LRCH3: variants seen among roughly 807,000 people sequenced by gnomAD.
LRCH3 encodes the protein leucine rich repeats and calponin homology domain containing 3, also known as DISP complex protein LRCH3.
LRCH3 carries 68 observed loss-of-function variants against 104.5 expected under a neutral mutation model. That is an observed-to-expected ratio of 0.65 (90% CI 0.54 to 0.80). The LOEUF is 0.80. Ranked by LOEUF, LRCH3 falls within the 30% of genes least tolerant of loss-of-function variation. The pLI, the probability that LRCH3 is intolerant of heterozygous loss-of-function variation, is 0.00. For synonymous variants in LRCH3, 344 were observed against 361.3 expected, an observed-to-expected ratio of 0.95 and a Z score of 0.54; for missense variants, 951 against 953.9, an observed-to-expected ratio of 1.00 and a Z score of 0.04.
rs368714590 is a variant in LRCH3, at chr3:197,799,204, T to C, written c.262+7664T>C. Among the ~76,000 whole-genome samples the C allele has an allele frequency of 5.9e-5, 9 of 151,720 alleles. No individual in the cohort carries two copies. In the East Asian group the frequency reaches 1.4e-3, roughly 23 times the overall value. Reference sequence around the variant, plus strand: ...ATATTTGGGAGCTGGATGGTTAACGTTACTTCATGTTAGAACATCAAGTAT... The same window carrying C: ...ATATTTGGGAGCTGGATGGTTAACGCTACTTCATGTTAGAACATCAAGTAT... On this transcript the variant is annotated intron_variant, in intron 1 of 20. Transcript: ENST00000425562.
chr3:197,836,097 A>G (rs1388252579), intron 9 of LRCH3, among the ~76,000 whole-genome samples: 1 of 152,216 alleles, frequency 6.6e-6, no homozygotes, highest in Non-Finnish European at 1.5e-5. Context: ...AGGCCTTGGA[A>G]GAAAGTACAA....
At position 197,830,771 on chromosome 3, in the gene LRCH3, C is replaced by G. The variant is rs1298324468; in HGVS notation, c.889C>G (p.His297Asp). 1 of 1,612,114 alleles carries G rather than the reference C, an allele frequency of 6.2e-7. No individual in the cohort carries two copies. Among genetic ancestry groups the G allele is most frequent in the Non-Finnish European group, 8.5e-7 (1 of 1,178,788 alleles). ...AGTAACAGAGTCTCTTTTCGGCAGCCATGAAGAACTGTACTCAAGTCGCCC... is the reference window on the plus strand; with the variant it reads ...AGTAACAGAGTCTCTTTTCGGCAGCGATGAAGAACTGTACTCAAGTCGCCC... ...DRRPLGFGSC[H>D]EELYSSRPYG... The change falls in exon 7 of 21, where the codon CAT (histidine) becomes GAT (aspartate). Residue 297 changes from histidine (H) to aspartate (D), a missense_variant and splice_region_variant. His to Asp is a moderately conservative substitution (Grantham distance 81). Coordinates refer to ENST00000425562, the MANE Select transcript of LRCH3 (RefSeq NM_001365715.1).
At chr3:197,864,820 A>T (rs1741294565) in intron 15 of LRCH3, among the ~76,000 whole-genome samples, 2 of 150,116 alleles carry the variant, frequency 1.3e-5, no homozygotes, top group Admixed American at 1.3e-4. Flanking sequence ...CAGGAGGTTG[A>T]GACTAACCTG....
chr3:197,845,931 G>T (rs1454480815), intron 10 of LRCH3, among the ~76,000 whole-genome samples: 2 of 152,078 alleles, frequency 1.3e-5, no homozygotes, highest in East Asian at 1.9e-4. Flanking sequence ...AAATTGAAAA[G>T]CATTTTTAAA....
chr3:197,861,177 C>T (rs969597286), intron 15 of LRCH3, among the ~76,000 whole-genome samples: 3 of 152,080 alleles, frequency 2.0e-5, no homozygotes, highest in African/African-American at 7.2e-5. Flanking sequence ...TCTGAGAAAC[C>T]TCCTCTGGTT....
rs1014024852 is a variant in LRCH3, at chr3:197,854,783, G to A, written c.1644+338G>A. Among the ~76,000 whole-genome samples, 1 of 151,970 alleles carries A rather than the reference G, an allele frequency of 6.6e-6. No individual in the cohort carries two copies. Among genetic ancestry groups the A allele is most frequent in the Non-Finnish European group, 1.5e-5 (1 of 68,008 alleles). The stretch of plus-strand genomic sequence containing the variant: ...TTATTAATCATTAATTTGGCTCATG[G>A]GTCACCTATATGTTAAGGTGACTCA... On this transcript the variant is annotated intron_variant, in intron 14 of 20. Transcript: ENST00000425562. The surrounding 1 kb of genome is among the most constrained non-coding windows in gnomAD (Gnocchi z 4.5).
At chr3:197,878,879 A>G (rs1713220203) in intron 20 of LRCH3, among the ~76,000 whole-genome samples, 1 of 152,248 alleles carries the variant, frequency 6.6e-6, no homozygotes, top group Non-Finnish European at 1.5e-5. Context: ...TTGGGAATGT[A>G]ATAATGACCA....
intron 15 of LRCH3, among the ~76,000 whole-genome samples, chr3:197,864,709 CTT>C (rs11367873): frequency 1.7e-4 from 23 of 132,942 alleles, no homozygotes; most frequent in South Asian, 9.5e-4. Flanking sequence ...TCTTCTTCTT[CTT>C]TTTTTTTTTT....
At chr3:197,795,268 T>C (rs635652) in intron 1 of LRCH3, among the ~76,000 whole-genome samples, 122,717 of 151,994 alleles carry the variant, frequency 0.81, 50,453 homozygotes, top group East Asian at 1. Flanking sequence ...CTTCTGGTAA[T>C]AGTACTCCAA....
intron 2 of LRCH3, 100 bp from the exon 3 acceptor site, chr3:197,817,076 A>G (rs1733884565): frequency 9.5e-7 from 1 of 1,050,786 alleles, no homozygotes. Flanking sequence ...TTCTTGCAAG[A>G]CTCATATTTG....
rs1012903432 is a variant in LRCH3 at position 197,880,002 on chromosome 3, G to C, written c.2209-3539G>C. Reference sequence around the variant, plus strand: ...GCTCTGTCACCCAGGCTGGAGTGCGGTGGCGCGATCTCGGCTCACTGCAAG... The same window carrying C: ...GCTCTGTCACCCAGGCTGGAGTGCGCTGGCGCGATCTCGGCTCACTGCAAG... On this transcript the variant is annotated intron_variant, in intron 20 of 20. Coordinates refer to ENST00000425562, the MANE Select transcript of LRCH3 (RefSeq NM_001365715.1). Among the ~76,000 whole-genome samples the C allele has an allele frequency of 3.0e-4, 46 of 150,914 alleles. 1 individual carries two copies. The highest frequency in any genetic ancestry group is 2.5e-3 in the South Asian group (12 of 4,782).
At chr3:197,831,741 C>T (rs933601636) in intron 7 of LRCH3, among the ~76,000 whole-genome samples, 1 of 151,662 alleles carries the variant, frequency 6.6e-6, no homozygotes, top group African/African-American at 2.4e-5. Context: ...CCTAAACCTC[C>T]TGAGTAGCTG....
chr3:197,845,141 C>A (rs59690019), intron 10 of LRCH3, among the ~76,000 whole-genome samples: 13,791 of 152,030 alleles, frequency 0.091, 751 homozygotes, highest in African/African-American at 0.15. Flanking sequence ...GTAAATGAAT[C>A]TATGTACTTG....
At position 197,886,980 on chromosome 3, in the gene LRCH3, A is replaced by C. The variant is rs925811981; in HGVS notation, c.*3314A>C. 6.6e-6 allele frequency: 1 copy of C among 152,194 alleles called. No individual in the cohort carries two copies. The highest frequency in any genetic ancestry group is 2.4e-5 in the African/African-American group (1 of 41,452). 9.4% of individuals were successfully genotyped at this position (152,194 alleles called of 1,614,324 possible). ...ACATATTATGAAACCTTATTAATGTATTTTTATCAAACTAAATCAGATTTG... is the reference window on the plus strand; with the variant it reads ...ACATATTATGAAACCTTATTAATGTCTTTTTATCAAACTAAATCAGATTTG... On this transcript the variant is annotated 3_prime_UTR_variant, in exon 21 of 21. Coordinates refer to ENST00000425562, the MANE Select transcript of LRCH3 (RefSeq NM_001365715.1).
At chr3:197,880,729 G>C in intron 20 of LRCH3, 1 of 1,536,552 alleles carries the variant, frequency 6.5e-7, no homozygotes, top group Non-Finnish European at 8.7e-7. Context: ...ATTGCACTCC[G>C]GTGACTTTCT....
At chr3:197,863,661 C>A (rs757567605) in intron 15 of LRCH3, among the ~76,000 whole-genome samples, 2 of 152,176 alleles carry the variant, frequency 1.3e-5, no homozygotes, top group Non-Finnish European at 2.9e-5. Context: ...ATTTCCCTTT[C>A]TTTAGGTAAG....
At chr3:197,863,365 G>C (rs776858920) in intron 15 of LRCH3, among the ~76,000 whole-genome samples, 1 of 152,086 alleles carries the variant, frequency 6.6e-6, no homozygotes, top group Non-Finnish European at 1.5e-5. Flanking sequence ...ATGTTCAAGC[G>C]ATTCTCCTGC....
Position 197,791,649 on chromosome 3 carries a change from C to A in LRCH3, c.262+109C>A. Reference sequence around the variant, plus strand: ...TTACAGCAGCTCGTCCCGTAGGCGCCGGGTCCGGACCCGGGTAACGGGGAG... The same window carrying A: ...TTACAGCAGCTCGTCCCGTAGGCGCAGGGTCCGGACCCGGGTAACGGGGAG... On this transcript the variant is annotated intron_variant, in intron 1 of 20. Coordinates refer to ENST00000425562, the MANE Select transcript of LRCH3 (RefSeq NM_001365715.1). 5 of 1,270,162 alleles carry A rather than the reference C, an allele frequency of 3.9e-6. No homozygotes were observed. In the South Asian group the frequency reaches 8.0e-5, roughly 20 times the overall value. 78.7% of individuals were successfully genotyped at this position (1,270,162 alleles called of 1,614,324 possible).
Position 197,854,900 on chromosome 3 carries a change from C to G in LRCH3, c.1644+455C>G, listed in dbSNP as rs963888411. Among the ~76,000 whole-genome samples, 1 of 152,142 alleles carries G rather than the reference C, an allele frequency of 6.6e-6. No individual in the cohort carries two copies. The highest frequency in any genetic ancestry group is 2.1e-4 in the South Asian group (1 of 4,824). On this transcript the variant is annotated intron_variant, in intron 14 of 20. Coordinates refer to ENST00000425562, the MANE Select transcript of LRCH3 (RefSeq NM_001365715.1). The surrounding 1 kb of genome is among the most constrained non-coding windows in gnomAD (Gnocchi z 4.5). ...CCTTCACTTTGGTTTTAAATACTTA[C>G]AGCTCAAGATTATTCCTTCATGTTC...
Sources: allele counts gnomAD v4.1 joint callset (sites outside exome capture counted in the v4.1 genomes callset), GRCh38; gene constraint gnomAD v4.1.1; non-coding constraint Gnocchi (gnomAD v3.1); transcripts MANE v1.5; gene names NCBI Gene and HGNC (gene_info 2026-07-23, HGNC 2026-07-21).